Variants in PCDHGA5 observed in about 807,000 individuals in gnomAD.
PCDHGA5 encodes the protein protocadherin gamma subfamily A, 5, also known as protocadherin gamma-A5.
PCDHGA5 carries 36 observed loss-of-function variants against 56.7 expected under a neutral mutation model. The ratio of observed to expected loss-of-function variants is 0.64; its 90% CI spans 0.49 to 0.84. The LOEUF is 0.84. PCDHGA5 is among the 40% of genes least tolerant of loss of function. PCDHGA5 has a pLI of 0.00. For synonymous variants in PCDHGA5, 563 were observed against 520.2 expected (o/e 1.08, Z -1.12); for missense variants, 1,305 against 1,201.5 (o/e 1.09, Z -1.27).
chr5:141,406,477 A>G (rs1233914824), intron 1 of PCDHGA5, among the ~76,000 whole-genome samples: 1 of 152,166 alleles, frequency 6.6e-6, no homozygotes, highest in Non-Finnish European at 1.5e-5. Flanking sequence ...TTGAGGTTAT[A>G]TTTTTCAGAT....
intron 1 of PCDHGA5, chr5:141,391,595 T>C (rs1353226414): frequency 6.6e-6 from 1 of 152,188 alleles, no homozygotes; most frequent in Non-Finnish European, 1.5e-5. Flanking sequence ...AAATATAAAG[T>C]TTTCAGATTT....
intron 2 of PCDHGA5, among the ~76,000 whole-genome samples, chr5:141,499,940 G>A (rs1158937971): frequency 4.0e-5 from 6 of 151,722 alleles, no homozygotes; most frequent in Non-Finnish European, 8.8e-5. Flanking sequence ...CACCCTCCTC[G>A]GCCTCCCAAA....
chr5:141,495,726 C>T (rs2099763293), intron 2 of PCDHGA5, among the ~76,000 whole-genome samples: 1 of 152,070 alleles, frequency 6.6e-6, no homozygotes, highest in Non-Finnish European at 1.5e-5. Flanking sequence ...ACACGGGACC[C>T]TTAGTCTCTT....
At chr5:141,505,599 G>T in intron 3 of PCDHGA5, 118 bp downstream of exon 3, 1 of 1,555,586 alleles carries the variant, frequency 6.4e-7, no homozygotes, top group Non-Finnish European at 8.7e-7. Context: ...CAGATCTTTC[G>T]GCAGGTCTGA....
At chr5:141,500,721 ATG>A (rs1209024560) in intron 2 of PCDHGA5, among the ~76,000 whole-genome samples, 1 of 152,088 alleles carries the variant, frequency 6.6e-6, no homozygotes, top group African/African-American at 2.4e-5. Context: ...GAATTTCCCC[ATG>A]TCTTTCAAAA....
intron 1 of PCDHGA5, among the ~76,000 whole-genome samples, chr5:141,464,436 TTTG>T (rs1043492514): frequency 1.1e-4 from 17 of 151,396 alleles, no homozygotes; most frequent in Non-Finnish European, 1.9e-4. Flanking sequence ...GATATATATG[TTTG>T]TTGTTGTTGT....
intron 1 of PCDHGA5, chr5:141,423,522 G>A: frequency 6.2e-7 from 1 of 1,613,850 alleles, no homozygotes; most frequent in South Asian, 1.1e-5. Context: ...CGGACTCGCA[G>A]AAGAGTCACC....
rs1273620361 is a variant in PCDHGA5, at chr5:141,486,809, A to G, written c.2422-7998A>G. 1 of 1,614,106 alleles carries G rather than the reference A, an allele frequency of 6.2e-7. No homozygotes were observed. The highest frequency in any genetic ancestry group is 1.3e-5 in the African/African-American group (1 of 74,936). On this transcript the variant is annotated intron_variant, in intron 1 of 3. Coordinates refer to ENST00000518069, the MANE Select transcript of PCDHGA5 (RefSeq NM_018918.3). This position sits in a 1 kb window ranked among gnomAD's most constrained non-coding sequence, Gnocchi z 5.0. ...CCGGGATCGGGGCAACCCACCCCTT[A>G]GCAGCACTGTAACAGTTCGTCTATT...
chr5:141,374,955 T>C (rs1213878932), intron 1 of PCDHGA5: 2 of 1,613,888 alleles, frequency 1.2e-6, no homozygotes. Flanking sequence ...ATCTCACAAA[T>C]TTTCTGTTTG....
chr5:141,486,146 G>T lies in PCDHGA5; in HGVS notation c.2422-8661G>T. Reference sequence around the variant, plus strand: ...TGAATTTGATGTGCGGGCTCGCGATGGGGGTTCTCCAGCCATGGAGCAACA... The same window carrying T: ...TGAATTTGATGTGCGGGCTCGCGATTGGGGTTCTCCAGCCATGGAGCAACA... On this transcript the variant is annotated intron_variant, in intron 1 of 3. Transcript: ENST00000518069. The surrounding 1 kb of genome is among the most constrained non-coding windows in gnomAD (Gnocchi z 5.0). 6.2e-7 allele frequency: 1 copy of T among 1,614,184 alleles called. No homozygotes were observed. The highest frequency in any genetic ancestry group is 8.5e-7 in the Non-Finnish European group (1 of 1,180,032).
chr5:141,441,883 A>T, intron 1 of PCDHGA5: 1 of 343,546 alleles, frequency 2.9e-6, no homozygotes, highest in South Asian at 2.6e-5. Context: ...CTACCTGGTC[A>T]CCAAGGTGGT....
rs752720166 is a variant in PCDHGA5, at chr5:141,419,978, G to C, written c.2421+53227G>C. 1.9e-6 allele frequency: 3 copies of C among 1,614,076 alleles called. No homozygotes were observed. In the South Asian group the frequency reaches 3.3e-5, roughly 18 times the overall value. On this transcript the variant is annotated intron_variant, in intron 1 of 3. Transcript: ENST00000518069. Reference sequence around the variant, plus strand: ...GATTTCTGTGCTCTTTCTCCTCGCGGTGATTCTAGCTATTGCTCTACGCCT... The same window carrying C: ...GATTTCTGTGCTCTTTCTCCTCGCGCTGATTCTAGCTATTGCTCTACGCCT...
chr5:141,474,505 A>G (rs2099350724), intron 1 of PCDHGA5, among the ~76,000 whole-genome samples: 2 of 152,248 alleles, frequency 1.3e-5, no homozygotes, highest in Admixed American at 6.5e-5. Context: ...AATGCCTATC[A>G]GCCCTCTTGC....
At chr5:141,470,022 G>C (rs892106953) in intron 1 of PCDHGA5, among the ~76,000 whole-genome samples, 2 of 152,070 alleles carry the variant, frequency 1.3e-5, no homozygotes, top group African/African-American at 4.8e-5. Context: ...CCAGCTACTC[G>C]GGATGCTGAG....
intron 1 of PCDHGA5, among the ~76,000 whole-genome samples, chr5:141,462,125 A>AT (rs1561991410): frequency 6.6e-6 from 1 of 151,688 alleles, no homozygotes; most frequent in African/African-American, 2.4e-5. Context: ...ACCCAGTCCA[A>AT]TTTTTTGTAT....
chr5:141,423,237 C>T (rs761825236), intron 1 of PCDHGA5: 74 of 1,613,798 alleles, frequency 4.6e-5, no homozygotes, highest in Middle Eastern at 3.3e-4. Flanking sequence ...ACAGCATCCC[C>T]GAAGTCCTGG....
intron 1 of PCDHGA5, chr5:141,384,223 G>A (rs1779858487): frequency 6.2e-7 from 1 of 1,613,742 alleles, no homozygotes; most frequent in African/African-American, 1.3e-5. Context: ...ATTCATGCAG[G>A]TGGCAGACAC....
Position 141,486,178 on chromosome 5 carries a change from C to A in PCDHGA5, c.2422-8629C>A, listed in dbSNP as rs767840363. On this transcript the variant is annotated intron_variant, in intron 1 of 3. Transcript: ENST00000518069. This position sits in a 1 kb window ranked among gnomAD's most constrained non-coding sequence, Gnocchi z 5.0. ...CTCCAGCCATGGAGCAACATTGCAG[C>A]CTTCGAGTGGATCTGCTGGACGTAA... 1.2e-6 allele frequency: 2 copies of A among 1,614,194 alleles called. No homozygotes were observed. The highest frequency in any genetic ancestry group is 2.2e-5 in the East Asian group (1 of 44,882).
chr5:141,365,411 C>T lies in PCDHGA5; in HGVS notation c.1081C>T (p.Leu361Phe), dbSNP rs1763897064. The T allele has an allele frequency of 6.2e-7, 1 of 1,613,994 alleles. No homozygotes were observed. Among genetic ancestry groups the T allele is most frequent in the South Asian group, 1.1e-5 (1 of 91,084 alleles). Residue 361 changes from leucine to phenylalanine, a missense_variant, in exon 1 of 4, where the codon CTT becomes TTT. Leu to Phe is a conservative substitution (Grantham distance 22). Transcript: ENST00000518069. ...SLTSSISEDCLPGTVIALFSV... is the reference protein window; with the variant it reads ...SLTSSISEDCFPGTVIALFSV... The stretch of plus-strand genomic sequence containing the variant: ...GACCAGTTCGATCTCTGAAGACTGT[C>T]TTCCCGGAACTGTAATCGCGCTGTT...
Sources: gnomAD v4.1 joint callset for allele counts (sites outside exome capture counted in the v4.1 genomes callset) on GRCh38, gnomAD v4.1.1 for gene constraint, Gnocchi (gnomAD v3.1) non-coding constraint, MANE v1.5 for transcripts, NCBI Gene and HGNC (gene_info 2026-07-23, HGNC 2026-07-21) for gene names.